The following MXRA8 variants were observed in gnomAD, a reference collection of about 807,000 sequenced individuals.
The protein encoded by MXRA8 is matrix remodeling associated 8, also known as matrix remodeling-associated protein 8.
MXRA8 carries 44 observed loss-of-function variants against 51.4 expected under a neutral mutation model. The observed-to-expected ratio is 0.86, with a 90% CI of 0.67 to 1.10. The LOEUF is 1.10. Ranked by LOEUF, MXRA8 falls within the 50% of genes least tolerant of loss-of-function variation. The pLI is 0.00. For missense variants in MXRA8, 765 were observed against 638.9 expected (o/e 1.20, Z -2.13); for synonymous variants, 369 against 293.5 (o/e 1.26, Z -2.63).
rs756040471 is a variant in MXRA8, at chr1:1,355,335, C to T, written c.387G>A (p.Glu129=). ...TGCAGGTGTACAGCCCCGCGTCCGT[C>T]TCCTCCACCGCTGCGCACCCAGGAG... ...NFSLLIRAVE[E]TDAGLYTCNL... is the part of the protein sequence containing the mutation. Residue 129 remains glutamate (E), a synonymous_variant, in exon 4 of 10, where the codon GAG becomes GAA. Transcript: ENST00000309212. 22 of 1,576,394 alleles carry T rather than the reference C, an allele frequency of 1.4e-5. No individual in the cohort carries two copies. Among genetic ancestry groups the T allele is most frequent in the South Asian group, 2.3e-5 (2 of 87,194 alleles).
chr1:1,357,937 G>A (rs1238504842), intron 1 of MXRA8, among the ~76,000 whole-genome samples: 2 of 152,110 alleles, frequency 1.3e-5, no homozygotes, highest in African/African-American at 2.4e-5. Context: ...GGGCCCGTGG[G>A]TGATAAAAGC....
chr1:1,358,364 T>C (rs1033824975), intron 1 of MXRA8, 92 bp downstream of exon 1: 1 of 1,400,534 alleles, frequency 7.1e-7, no homozygotes, highest in Non-Finnish European at 9.7e-7. Flanking sequence ...CCACTCCTCC[T>C]GGCCCAAGCT....
chr1:1,354,296 C>A (rs1644070517), intron 6 of MXRA8, 58 bp downstream of exon 6: 1 of 1,598,542 alleles, frequency 6.3e-7, no homozygotes, highest in Admixed American at 1.7e-5. Flanking sequence ...GCCCAGAGGA[C>A]CACCCTCCCG....
At chr1:1,362,387 A>C (rs1316341796), upstream of MXRA8, among the ~76,000 whole-genome samples, 4 of 152,164 alleles carry the variant, frequency 2.6e-5, no homozygotes. Context: ...TGTTCTAAAC[A>C]TGCAAATGCA....
chr1:1,354,711 C>T lies in MXRA8; in HGVS notation c.920G>A (p.Gly307Asp). Residue 307 changes from glycine (G) to aspartate (D), a missense_variant, in exon 5 of 10, where the codon GGC becomes GAC. Gly to Asp is a moderately conservative substitution (Grantham distance 94). Transcript: ENST00000309212. Reference protein sequence around the residue: ...EPPPRGSPGNGSSHSGAPGPD... With the variant: ...EPPPRGSPGNDSSHSGAPGPD... ...GCCTGGGGCGCCGCTGTGGCTGGAG[C>T]CGTTGCCCGGAGAGCCCCGGGGGGG... 6.3e-7 allele frequency: 1 copy of T among 1,596,800 alleles called. No individual in the cohort carries two copies. The highest frequency in any genetic ancestry group is 1.1e-5 in the South Asian group (1 of 89,452).
chr1:1,354,588 G>A, intron 5 of MXRA8, 79 bp from the exon 6 acceptor site: 1 of 1,560,870 alleles, frequency 6.4e-7, no homozygotes. Flanking sequence ...CCCCCGCTGG[G>A]ATCCGCGGGC....
intron 1 of MXRA8, among the ~76,000 whole-genome samples, chr1:1,356,981 C>T (rs899022955): frequency 3.9e-5 from 6 of 152,080 alleles, no homozygotes; most frequent in South Asian, 2.1e-4. Context: ...TGCTTGTCAC[C>T]GGGGCCACTC....
chr1:1,361,169 C>G (rs905149084), upstream of MXRA8: 5 of 702,520 alleles, frequency 7.1e-6, no homozygotes, highest in African/African-American at 8.8e-5. Flanking sequence ...CACAAACACA[C>G]AGACACAGGT....
At chr1:1,354,001 T>C (rs1188305673) in intron 8 of MXRA8, 29 bp downstream of exon 8, 1 of 1,611,466 alleles carries the variant, frequency 6.2e-7, no homozygotes, top group Non-Finnish European at 8.5e-7. Flanking sequence ...GAGCCGCGCC[T>C]GTGCCCTCGT....
chr1:1,355,681 G>T lies in MXRA8; in HGVS notation c.145C>A (p.Arg49=). The T allele has an allele frequency of 7.4e-7, 1 of 1,356,968 alleles. No individual in the cohort carries two copies. The highest frequency in any genetic ancestry group is 3.9e-5 in the Admixed American group (1 of 25,818). The allele number at this position is 1,356,968 out of a possible 1,614,324, so 84.1% of individuals were successfully genotyped here. Residue 49 remains arginine (R), a synonymous_variant, in exon 3 of 10, where the codon CGG becomes AGG. Coordinates refer to ENST00000309212, the MANE Select transcript of MXRA8 (RefSeq NM_032348.4). ...ESAVSWEAGA[R]AVLRCQSPRM... is the part of the protein sequence containing the mutation. ...GGGCTCTGGCAGCGCAGCACCGCCC[G>T]GGCGCCCGCCTCCCAGCTCACCGCG...
At chr1:1,362,614 T>C (rs1036906051), upstream of MXRA8, among the ~76,000 whole-genome samples, 3 of 151,484 alleles carry the variant, frequency 2.0e-5, no homozygotes, top group African/African-American at 4.9e-5. Context: ...ACCCTGTCTC[T>C]ACTAAAAATA....
At chr1:1,362,601 G>A (rs1644233826), upstream of MXRA8, among the ~76,000 whole-genome samples, 1 of 151,948 alleles carries the variant, frequency 6.6e-6, no homozygotes, top group Non-Finnish European at 1.5e-5. Context: ...CCAACATGGT[G>A]AAACCCTGTC....
Position 1,355,247 on chromosome 1 carries a change from C to A in MXRA8, c.475G>T (p.Gly159Cys). The change falls in exon 4 of 10, where the codon GGC (glycine) becomes TGC (cysteine). Residue 159 changes from glycine to cysteine, a missense_variant. Physicochemically the swap from Gly to Cys is radical, Grantham distance 159 (BLOSUM62 -3). Coordinates refer to ENST00000309212, the MANE Select transcript of MXRA8 (RefSeq NM_032348.4). ...GGGGCGGGGGGGAAGCACTCACGGC[C>A]GTCGGTGACCTCCAGGCGGACGGCC... ...SLAVRLEVTDGPPATPAYWDG... is the reference protein window; with the variant it reads ...SLAVRLEVTDCPPATPAYWDG... 1.3e-6 allele frequency: 2 copies of A among 1,556,126 alleles called. No homozygotes were observed. Among genetic ancestry groups the A allele is most frequent in the South Asian group, 1.2e-5 (1 of 85,322 alleles).
Position 1,356,721 on chromosome 1 carries a change from G to A in MXRA8, c.50-17C>T. 1.4e-6 allele frequency: 2 copies of A among 1,413,170 alleles called. No homozygotes were observed. Among genetic ancestry groups the A allele is most frequent in the Non-Finnish European group, 1.9e-6 (2 of 1,072,974 alleles). The allele number at this position is 1,413,170 out of a possible 1,614,324, so 87.5% of individuals were successfully genotyped here. ...CAGCAGAGCCTGGAAGGAGAGGAGT[G>A]AGCTGGAGAGGCCACCCACAGCCCC... On this transcript the variant is annotated splice_polypyrimidine_tract_variant and intron_variant, in intron 1 of 9. Transcript: ENST00000309212.
At chr1:1,354,623 G>C in intron 5 of MXRA8, 59 bp downstream of exon 5, 1 of 1,542,996 alleles carries the variant, frequency 6.5e-7, no homozygotes, top group Non-Finnish European at 8.7e-7. Context: ...AGCGGGCGCA[G>C]AGCAACCCCC....
At position 1,353,883 on chromosome 1, in the gene MXRA8, C is replaced by T. The variant is rs1256277787; in HGVS notation, c.1268G>A (p.Ser423Asn). 2 of 1,607,412 alleles carry T rather than the reference C, an allele frequency of 1.2e-6. No individual in the cohort carries two copies. Among genetic ancestry groups the T allele is most frequent in the Non-Finnish European group, 1.7e-6 (2 of 1,177,156 alleles). ...ILKERAELAHSPLPAKYIDLD... is the reference protein window; with the variant it reads ...ILKERAELAHNPLPAKYIDLD... ...GTCGATGTACTTGGCAGGCAGGGGG[C>T]TGTGGGCCAGCTCCGCCCTCTCCTT... is the stretch of plus-strand genomic sequence containing the variant. The change falls in exon 9 of 10, where the codon AGC becomes AAC. Residue 423 changes from serine to asparagine, a missense_variant. Physicochemically the swap from Ser to Asn is conservative, Grantham distance 46. Transcript: ENST00000309212.
Position 1,353,550 on chromosome 1 carries a change from G to C in MXRA8, c.*54C>G. On this transcript the variant is annotated 3_prime_UTR_variant, in exon 10 of 10. Coordinates refer to ENST00000309212, the MANE Select transcript of MXRA8 (RefSeq NM_032348.4). ...CCGGAGCATCAGGAGATGCCCCGAG[G>C]AGCACAGACAGGAGAGGTGCAGCTG... is the stretch of plus-strand genomic sequence containing the variant. 1 of 1,544,062 alleles carries C rather than the reference G, an allele frequency of 6.5e-7. No individual in the cohort carries two copies. Among genetic ancestry groups the C allele is most frequent in the South Asian group, 1.2e-5 (1 of 83,252 alleles).
Position 1,353,334 on chromosome 1 carries a change from T to C in MXRA8, c.*270A>G, listed in dbSNP as rs560642896. ...CCAGCGGGCAGAGCCCAGAAGGGTC[T>C]GAGGGCATGATGGGCATCAGTGGGA... On this transcript the variant is annotated 3_prime_UTR_variant, in exon 10 of 10. Transcript: ENST00000309212. 7.7e-6 allele frequency: 12 copies of C among 1,549,274 alleles called. No homozygotes were observed. In the East Asian group the frequency reaches 2.7e-4, roughly 35 times the overall value.
At chr1:1,360,186 G>A (rs527327484), upstream of MXRA8, among the ~76,000 whole-genome samples, 4 of 152,318 alleles carry the variant, frequency 2.6e-5, no homozygotes, top group East Asian at 1.9e-4. Flanking sequence ...GTCCCTCTCC[G>A]GGCAGTGGCC....
Sources: gnomAD v4.1 joint callset for allele counts (sites outside exome capture counted in the v4.1 genomes callset) on GRCh38, gnomAD v4.1.1 for gene constraint, MANE v1.5 for transcripts, NCBI Gene and HGNC (gene_info 2026-07-23, HGNC 2026-07-21) for gene names.